Variants in STARD13 observed in about 807,000 individuals in gnomAD.
STARD13 encodes StAR related lipid transfer domain containing 13.
Under a neutral mutation model 106.4 loss-of-function variants are expected in STARD13, and 62 were observed. The observed-to-expected ratio is 0.58, with a 90% confidence interval of 0.48 to 0.72. The LOEUF (loss-of-function observed/expected upper bound fraction) is 0.72. Among genes scored for constraint, STARD13 ranks in the 30% least tolerant of loss-of-function variants. The pLI is 0.00. For synonymous variants in STARD13, 565 were observed against 553.0 expected, an observed-to-expected ratio of 1.02 and a Z score of -0.31; for missense variants, 1,387 against 1,424.0, an observed-to-expected ratio of 0.97 and a Z score of 0.42.
At chr13:33,426,340 T>C in the STARD13 span, among the ~76,000 whole-genome samples, 141 of 152,304 alleles carry the variant, frequency 9.3e-4, 2 homozygotes, top group Non-Finnish European at 1.4e-3. Flanking sequence ...TTCTCCACAT[T>C]GACAGTGACA....
chr13:33,129,794 G>T lies in STARD13; in HGVS notation c.883C>A (p.Pro295Thr). The change falls in exon 5 of 14, where the codon CCA (proline) becomes ACA (threonine). Residue 295 changes from proline to threonine, a missense_variant. By Grantham distance (38) the Pro-to-Thr change is conservative. Coordinates refer to ENST00000336934, the MANE Select transcript of STARD13 (RefSeq NM_178006.4). ...CACTGCATAGCCTTAAAGGACTCTG[G>T]CTCCTGCTGCAACATGGGCCCACTG... ...VISGPMLQQEPESFKAMQCIQ... is the reference protein window; with the variant it reads ...VISGPMLQQETESFKAMQCIQ... The T allele has an allele frequency of 6.2e-7, 1 of 1,613,792 alleles. No homozygotes were observed. The highest frequency in any genetic ancestry group is 8.5e-7 in the Non-Finnish European group (1 of 1,180,040).
At chr13:33,579,366 CATT>C in the STARD13 span, among the ~76,000 whole-genome samples, 3 of 152,084 alleles carry the variant, frequency 2.0e-5, no homozygotes, top group East Asian at 5.8e-4. Flanking sequence ...AGCTGGAGGC[CATT>C]ATTCTAAGTG....
chr13:33,541,811 C>T, the STARD13 span, among the ~76,000 whole-genome samples: 7 of 152,180 alleles, frequency 4.6e-5, no homozygotes, highest in Admixed American at 2.6e-4. Context: ...TTAAACGGAG[C>T]GGATGCAGAT....
chr13:33,531,599 C>T, the STARD13 span, among the ~76,000 whole-genome samples: 2 of 152,094 alleles, frequency 1.3e-5, no homozygotes, highest in African/African-American at 4.8e-5. Context: ...GGAATTATTT[C>T]AAGAACACAA....
At chr13:33,293,639 CG>C (rs1207062310) in intron 1 of STARD13, among the ~76,000 whole-genome samples, 2 of 152,136 alleles carry the variant, frequency 1.3e-5, no homozygotes, top group African/African-American at 2.4e-5. Flanking sequence ...AGGAGATTAA[CG>C]TTTGATTTAG....
chr13:33,415,370 AAAAT>A, the STARD13 span, among the ~76,000 whole-genome samples: 3 of 152,160 alleles, frequency 2.0e-5, no homozygotes, highest in Non-Finnish European at 4.4e-5. Context: ...TCCGTCTCAA[AAAAT>A]AAATAAATAA....
At chr13:33,666,336 T>G in the STARD13 span, among the ~76,000 whole-genome samples, 1 of 152,148 alleles carries the variant, frequency 6.6e-6, no homozygotes, top group Non-Finnish European at 1.5e-5. Context: ...CTCTGTCCCC[T>G]AGGCTGGAGT....
intron 1 of STARD13, among the ~76,000 whole-genome samples, chr13:33,233,172 C>T (rs1326317265): frequency 6.6e-6 from 1 of 152,214 alleles, no homozygotes; most frequent in Non-Finnish European, 1.5e-5. Context: ...GCCTGAAAGT[C>T]AAGCTACAAG....
chr13:33,298,002 C>T (rs1566125051), intron 1 of STARD13, among the ~76,000 whole-genome samples: 1 of 152,136 alleles, frequency 6.6e-6, no homozygotes, highest in Non-Finnish European at 1.5e-5. Context: ...CAAAATGCCT[C>T]TCAAATCCAT....
intron 13 of STARD13, among the ~76,000 whole-genome samples, chr13:33,106,156 A>T (rs1257370714): frequency 6.6e-6 from 1 of 152,238 alleles, no homozygotes; most frequent in Non-Finnish European, 1.5e-5. Flanking sequence ...ACGGTGGCTC[A>T]TGTCTGTAGT....
chr13:33,413,947 C>T, the STARD13 span, among the ~76,000 whole-genome samples: 1 of 148,436 alleles, frequency 6.7e-6, no homozygotes, highest in Non-Finnish European at 1.5e-5. Context: ...GCAGGAGAAT[C>T]GCTTGAACCT....
chr13:33,384,129 G>A, the STARD13 span, among the ~76,000 whole-genome samples: 1 of 152,156 alleles, frequency 6.6e-6, no homozygotes, highest in Non-Finnish European at 1.5e-5. Flanking sequence ...AGATAACTAA[G>A]GCTTAAGGAC....
At chr13:33,611,141 C>G in the STARD13 span, 10 of 152,338 alleles carry the variant, frequency 6.6e-5, no homozygotes, top group South Asian at 4.1e-4. Context: ...TTCGGGGTAT[C>G]CTTTTTCCAC....
the STARD13 span, among the ~76,000 whole-genome samples, chr13:33,641,035 A>G: frequency 6.6e-6 from 1 of 152,248 alleles, no homozygotes; most frequent in Non-Finnish European, 1.5e-5. Context: ...AAGTATGCAC[A>G]GCCATGTAGA....
rs138221026 is a variant in STARD13 at position 33,137,164 on chromosome 13, A to G, written c.387+5146T>C. ...TTAATATTTCTAATAATTCATTTGTATTGAATTTTACAAAAGTATCTTAGT... is the reference window on the plus strand; with the variant it reads ...TTAATATTTCTAATAATTCATTTGTGTTGAATTTTACAAAAGTATCTTAGT... On this transcript the variant is annotated intron_variant, in intron 4 of 13. Transcript: ENST00000336934. Among the ~76,000 whole-genome samples, 167 of 152,342 alleles carry G rather than the reference A, an allele frequency of 1.1e-3. 1 individual carries two copies. The highest frequency in any genetic ancestry group is 3.7e-3 in the African/African-American group (155 of 41,588).
At chr13:33,513,632 A>G in the STARD13 span, among the ~76,000 whole-genome samples, 1 of 152,216 alleles carries the variant, frequency 6.6e-6, no homozygotes, top group African/African-American at 2.4e-5. Context: ...TAAATTCCAT[A>G]GCACATAAAA....
At chr13:33,646,347 T>C in the STARD13 span, among the ~76,000 whole-genome samples, 1 of 152,204 alleles carries the variant, frequency 6.6e-6, no homozygotes, top group Non-Finnish European at 1.5e-5. Flanking sequence ...AATCTTTCTA[T>C]CAGTGGTCCC....
In STARD13 at chr13:33,217,239, AT is replaced by A. The variant is rs149263588; in HGVS notation, c.170-49618del. On this transcript the variant is annotated intron_variant, in intron 1 of 13. Transcript: ENST00000336934. ...CCACAGGACATGAAATTTGAAAGAC[AT>A]TTCTACTCTTGCAGCTCATTGTTTT... Among the ~76,000 whole-genome samples the A allele has an allele frequency of 6.4e-3, 972 of 152,258 alleles. 12 individuals are homozygous for A. The highest frequency in any genetic ancestry group is 0.022 in the African/African-American group (921 of 41,558).
chr13:33,112,505 A>C (rs749932318), intron 9 of STARD13, among the ~76,000 whole-genome samples: 3 of 151,638 alleles, frequency 2.0e-5, no homozygotes, highest in Non-Finnish European at 4.4e-5. Flanking sequence ...TCTATTTATC[A>C]TCTATCTATT....
Sources: gnomAD v4.1 joint callset for allele counts (sites outside exome capture counted in the v4.1 genomes callset) on GRCh38, gnomAD v4.1.1 for gene constraint, MANE v1.5 for transcripts, NCBI Gene and HGNC (gene_info 2026-07-23, HGNC 2026-07-21) for gene names.